The following PAIP1 variants were observed in gnomAD, a reference collection of about 807,000 sequenced individuals.
PAIP1 encodes poly(A) binding protein interacting protein 1.
PAIP1 carries 16 observed loss-of-function variants against 61.3 expected under a neutral mutation model. The ratio of observed to expected loss-of-function variants is 0.26; its 90% CI spans 0.18 to 0.40. The LOEUF (loss-of-function observed/expected upper bound fraction) is 0.40, where lower values mean the gene tolerates loss of function less well. Ranked by LOEUF, PAIP1 falls within the 10% of genes least tolerant of loss-of-function variation. The probability of loss-of-function intolerance (pLI) is 1.00; values close to 1 mark genes in which losing one functional copy is unlikely to be tolerated. For synonymous variants in PAIP1, 187 were observed against 226.2 expected (o/e 0.83, Z 1.56); for missense variants, 416 against 600.9 (o/e 0.69, Z 3.22).
chr5:43,533,741 G>C lies in PAIP1; in HGVS notation c.1249C>G (p.Pro417Ala). The C allele has an allele frequency of 6.3e-7, 1 of 1,582,656 alleles. No homozygotes were observed. The highest frequency in any genetic ancestry group is 8.7e-7 in the Non-Finnish European group (1 of 1,151,420). The change falls in exon 9 of 11, where the codon CCA becomes GCA. Residue 417 changes from proline to alanine, a missense_variant. By Grantham distance (27) the Pro-to-Ala change is conservative. Coordinates refer to ENST00000306846, the MANE Select transcript of PAIP1 (RefSeq NM_006451.5). ...SDGVPFTAADPDYQEKYQELL... is the reference protein window; with the variant it reads ...SDGVPFTAADADYQEKYQELL... ...GAATGACTGTGAGACAACATACCTG[G>C]ATCAGCTGCAGTGAAAGGAACACCA...
chr5:43,551,549 T>A lies in PAIP1; in HGVS notation c.436-3636A>T, dbSNP rs187448480. On this transcript the variant is annotated intron_variant, in intron 2 of 10. Transcript: ENST00000306846. ...ATGTTAACTACATACATGCGTGAAT[T>A]TTATAACTAAAAACTAGTCTTAAGT... Among the ~76,000 whole-genome samples the A allele has an allele frequency of 5.3e-5, 8 of 152,278 alleles. No homozygotes were observed. In the East Asian group the frequency reaches 1.2e-3, roughly 22 times the overall value.
intron 5 of PAIP1, among the ~76,000 whole-genome samples, chr5:43,537,953 C>T (rs768459198): frequency 1.2e-4 from 18 of 144,018 alleles, no homozygotes; most frequent in Non-Finnish European, 2.5e-4. Context: ...GAGATCACGT[C>T]ACTGCACTCC....
chr5:43,526,688 G>C lies in PAIP1; in HGVS notation c.*688C>G, dbSNP rs1746722310. On this transcript the variant is annotated 3_prime_UTR_variant, in exon 11 of 11. Coordinates refer to ENST00000306846, the MANE Select transcript of PAIP1 (RefSeq NM_006451.5). ...ATAAATAAAGCAGAATAATGTTCTA[G>C]CCTTTAAGGTAATGAAGTTAGTCAG... is the stretch of plus-strand genomic sequence containing the variant. 1.5e-5 allele frequency: 2 copies of C among 136,928 alleles called. No individual in the cohort carries two copies. The highest frequency in any genetic ancestry group is 5.4e-5 in the African/African-American group (2 of 36,930). 8.5% of individuals were successfully genotyped at this position (136,928 alleles called of 1,614,324 possible). A position where few individuals can be genotyped will look rare whatever the true frequency, so the allele number is the denominator to read the frequency against.
intron 4 of PAIP1, 74 bp from the exon 5 acceptor site, chr5:43,539,109 C>T: frequency 6.1e-6 from 6 of 981,752 alleles, no homozygotes; most frequent in Non-Finnish European, 9.7e-6. Context: ...AACCATTTGT[C>T]AGTTTGGTTG....
intron 3 of PAIP1, among the ~76,000 whole-genome samples, chr5:43,543,563 C>T (rs1747507083): frequency 6.6e-6 from 1 of 152,084 alleles, no homozygotes; most frequent in Non-Finnish European, 1.5e-5. Flanking sequence ...TGACTTTGGA[C>T]ATCAGTAAAC....
intron 8 of PAIP1, among the ~76,000 whole-genome samples, 175 bp downstream of exon 8, chr5:43,534,678 G>A (rs1450647044): frequency 6.6e-6 from 1 of 152,106 alleles, no homozygotes; most frequent in African/African-American, 2.4e-5. Context: ...CCCTTTCACT[G>A]GAGAATTCCA....
In PAIP1 at chr5:43,556,855, T is replaced by G; in HGVS notation, c.-9A>C. On this transcript the variant is annotated 5_prime_UTR_variant, in exon 1 of 11. Transcript: ENST00000306846. The stretch of plus-strand genomic sequence containing the variant: ...TCGAAACCGTCCGACATGCTCCTCC[T>G]CCTCCGCCTCCTCCTCCAGGGGCCG... 1 of 1,407,242 alleles carries G rather than the reference T, an allele frequency of 7.1e-7. No individual in the cohort carries two copies. Among genetic ancestry groups the G allele is most frequent in the Non-Finnish European group, 9.2e-7 (1 of 1,084,576 alleles). The allele number at this position is 1,407,242 out of a possible 1,614,324, so 87.2% of individuals were successfully genotyped here.
At chr5:43,540,622 C>T (rs551748807) in intron 4 of PAIP1, among the ~76,000 whole-genome samples, 53 of 152,322 alleles carry the variant, frequency 3.5e-4, no homozygotes, top group Non-Finnish European at 6.5e-4. Flanking sequence ...AGGTAACTTC[C>T]GTTCCATCTT....
At chr5:43,551,081 T>TA (rs753830661) in intron 2 of PAIP1, among the ~76,000 whole-genome samples, 24 of 152,022 alleles carry the variant, frequency 1.6e-4, no homozygotes, top group Non-Finnish European at 2.8e-4. Flanking sequence ...AAGGAGATCT[T>TA]AGAGGGCTTT....
At chr5:43,529,129 G>GAAAAAAAAAAAAA (rs10665308) in intron 10 of PAIP1, among the ~76,000 whole-genome samples, 1 of 142,700 alleles carries the variant, frequency 7.0e-6, no homozygotes, top group Non-Finnish European at 1.5e-5. Context: ...TAGTTCTCAA[G>GAAAAAAAAAAAAA]AAAAAAAAAA....
intron 4 of PAIP1, among the ~76,000 whole-genome samples, chr5:43,541,174 G>A (rs904506608): frequency 1.4e-5 from 2 of 138,880 alleles, no homozygotes; most frequent in Non-Finnish European, 3.1e-5. Context: ...ACCCAGGCTG[G>A]AGTGCAGTGG....
intron 4 of PAIP1, among the ~76,000 whole-genome samples, chr5:43,539,673 T>C (rs570121267): frequency 3.9e-4 from 60 of 152,296 alleles, no homozygotes; most frequent in Admixed American, 2.7e-3. Context: ...TTTTCCTTGC[T>C]CTCTTTGCCC....
intron 4 of PAIP1, 88 bp from the exon 5 acceptor site, chr5:43,539,123 A>C (rs1215973981): frequency 1.2e-6 from 1 of 832,070 alleles, no homozygotes; most frequent in African/African-American, 1.7e-5. Flanking sequence ...TTGGTTGTCC[A>C]CAGCAAGAGG....
chr5:43,531,372 C>T (rs1263332653), intron 9 of PAIP1, among the ~76,000 whole-genome samples: 1 of 143,402 alleles, frequency 7.0e-6, no homozygotes, highest in Admixed American at 7.1e-5. Context: ...AGCATTTAAT[C>T]AGGGTCATAT....
At chr5:43,531,620 G>A (rs1479440075) in intron 9 of PAIP1, among the ~76,000 whole-genome samples, 3 of 118,218 alleles carry the variant, frequency 2.5e-5, no homozygotes, top group Non-Finnish European at 5.0e-5. Context: ...TTGCATCACC[G>A]CACCCCAGCC....
chr5:43,541,161 G>A (rs1747386846), intron 4 of PAIP1, among the ~76,000 whole-genome samples: 1 of 133,206 alleles, frequency 7.5e-6, no homozygotes, highest in Admixed American at 7.7e-5. Flanking sequence ...GAGTCTGGCT[G>A]TCACCCAGGC....
intron 9 of PAIP1, among the ~76,000 whole-genome samples, chr5:43,533,415 C>G (rs1032968302): frequency 6.6e-6 from 1 of 152,102 alleles, no homozygotes; most frequent in African/African-American, 2.4e-5. Context: ...TCTTTCCCCT[C>G]CATTCTAATC....
chr5:43,533,132 T>C (rs1026842602), intron 9 of PAIP1, among the ~76,000 whole-genome samples: 5 of 152,218 alleles, frequency 3.3e-5, no homozygotes, highest in African/African-American at 1.2e-4. Context: ...AGTCAATGCT[T>C]GGAATCCAGA....
intron 4 of PAIP1, among the ~76,000 whole-genome samples, chr5:43,539,277 T>TTA (rs57580706): frequency 1 from 151,541 of 152,266 alleles, 75,417 homozygotes; most frequent in Middle Eastern, 1. Flanking sequence ...TTTATCAAAT[T>TTA]TAATATGTTT....
Sources: allele counts gnomAD v4.1 joint callset (sites outside exome capture counted in the v4.1 genomes callset), GRCh38; gene constraint gnomAD v4.1.1; transcripts MANE v1.5; gene names NCBI Gene and HGNC (gene_info 2026-07-23, HGNC 2026-07-21).